LRRIQ3: variants seen among roughly 807,000 people sequenced by gnomAD.
LRRIQ3 encodes the protein leucine-rich repeat and IQ domain-containing protein 3.
LRRIQ3 carries 75 observed loss-of-function variants against 59.3 expected under a neutral mutation model. The ratio of observed to expected loss-of-function variants is 1.26; its 90% CI spans 1.05 to 1.53. The LOEUF is 1.53. Ranked by LOEUF, LRRIQ3 falls within the 40% of genes most tolerant of loss-of-function variation. LRRIQ3 has a pLI of 0.00. For synonymous variants in LRRIQ3, 250 were observed against 231.3 expected, an observed-to-expected ratio of 1.08 and a Z score of -0.73; for missense variants, 831 against 710.0, an observed-to-expected ratio of 1.17 and a Z score of -1.94.
intron 4 of LRRIQ3, among the ~76,000 whole-genome samples, chr1:74,152,414 A>T (rs544535030): frequency 6.6e-6 from 1 of 152,140 alleles, no homozygotes; most frequent in African/African-American, 2.4e-5. Context: ...CTAATCATTA[A>T]AAAAATCCTG....
intron 7 of LRRIQ3, among the ~76,000 whole-genome samples, chr1:74,038,435 A>G (rs1653941059): frequency 6.6e-6 from 1 of 152,200 alleles, no homozygotes; most frequent in African/African-American, 2.4e-5. Context: ...CCCCCCCAGC[A>G]AAACACACCT....
intron 6 of LRRIQ3, among the ~76,000 whole-genome samples, chr1:74,042,651 A>C (rs1241650727): frequency 6.6e-6 from 1 of 152,130 alleles, no homozygotes; most frequent in Non-Finnish European, 1.5e-5. Flanking sequence ...TCATATTTGC[A>C]AAGGGCATTG....
At chr1:74,162,785 A>C (rs947520226) in intron 3 of LRRIQ3, among the ~76,000 whole-genome samples, 3 of 151,676 alleles carry the variant, frequency 2.0e-5, no homozygotes, top group Admixed American at 1.3e-4. Flanking sequence ...ATTTTCCATA[A>C]GAATATTTGA....
chr1:74,136,973 T>G (rs1425884991), intron 4 of LRRIQ3, among the ~76,000 whole-genome samples: 1 of 151,980 alleles, frequency 6.6e-6, no homozygotes, highest in African/African-American at 2.4e-5. Flanking sequence ...TACTGCTGTT[T>G]GTTAAAAACA....
intron 5 of LRRIQ3, among the ~76,000 whole-genome samples, chr1:74,092,066 C>T (rs1646400356): frequency 6.6e-6 from 1 of 152,080 alleles, no homozygotes; most frequent in East Asian, 1.9e-4. Context: ...TTACTTAAAA[C>T]ACATCTGCAA....
intron 5 of LRRIQ3, chr1:74,084,062 G>A: frequency 1.1e-6 from 1 of 940,170 alleles, no homozygotes; most frequent in South Asian, 2.1e-5. Context: ...CACTTATCTT[G>A]TGTGTACAGC....
intron 4 of LRRIQ3, among the ~76,000 whole-genome samples, chr1:74,133,710 G>A (rs1177667416): frequency 6.7e-6 from 1 of 149,466 alleles, no homozygotes; most frequent in South Asian, 2.1e-4. Flanking sequence ...GGGGCCTGTC[G>A]TGGGGTGGGG....
intron 4 of LRRIQ3, among the ~76,000 whole-genome samples, chr1:74,130,219 GGCCTCCCCAGA>G (rs1159553028): frequency 6.6e-6 from 1 of 152,046 alleles, no homozygotes; most frequent in Non-Finnish European, 1.5e-5. Flanking sequence ...AGTTAATGTA[GGCCTCCCCAGA>G]GCACTTTAGC....
chr1:74,119,682 A>G (rs1483132078), intron 4 of LRRIQ3, among the ~76,000 whole-genome samples: 4 of 152,114 alleles, frequency 2.6e-5, no homozygotes. Flanking sequence ...TATTAAATAA[A>G]TCATCCTTTC....
chr1:74,139,084 ATGTG>A (rs1387333088), intron 4 of LRRIQ3, among the ~76,000 whole-genome samples: 1 of 138,958 alleles, frequency 7.2e-6, no homozygotes, highest in Middle Eastern at 3.5e-3. Context: ...ACATATATGT[ATGTG>A]TGTGTGTATA....
intron 4 of LRRIQ3, among the ~76,000 whole-genome samples, chr1:74,154,800 G>C (rs922021854): frequency 2.1e-4 from 32 of 152,144 alleles, no homozygotes; most frequent in African/African-American, 6.8e-4. Context: ...AATTTGACTT[G>C]TCTCCAATGT....
At chr1:74,195,251 G>A (rs577194986) in intron 1 of LRRIQ3, among the ~76,000 whole-genome samples, 11 of 152,280 alleles carry the variant, frequency 7.2e-5, no homozygotes, top group South Asian at 2.1e-4. Context: ...GGAAACAGTG[G>A]TTAAACAGAG....
At chr1:74,196,111 G>A (rs778516449) in intron 1 of LRRIQ3, among the ~76,000 whole-genome samples, 4 of 151,888 alleles carry the variant, frequency 2.6e-5, no homozygotes, top group Non-Finnish European at 5.9e-5. Flanking sequence ...TTGATTGCAT[G>A]ATATAGTCAT....
intron 6 of LRRIQ3, among the ~76,000 whole-genome samples, chr1:74,060,189 T>TTCC (rs1654667477): frequency 1.1e-4 from 3 of 26,582 alleles, no homozygotes; most frequent in Non-Finnish European, 9.9e-5. Flanking sequence ...CTTCTTCTTT[T>TTCC]TCTTCTTCTT....
At chr1:74,126,250 T>A (rs1646934670) in intron 4 of LRRIQ3, among the ~76,000 whole-genome samples, 1 of 151,812 alleles carries the variant, frequency 6.6e-6, no homozygotes, top group African/African-American at 2.4e-5. Flanking sequence ...TCTTTTTTTC[T>A]TGGATAATCT....
At chr1:74,152,455 G>A (rs113522016) in intron 4 of LRRIQ3, among the ~76,000 whole-genome samples, 9 of 152,114 alleles carry the variant, frequency 5.9e-5, no homozygotes, top group African/African-American at 2.2e-4. Flanking sequence ...TAAATACATT[G>A]TTGATAGTAG....
chr1:74,026,864 T>G lies in LRRIQ3; in HGVS notation c.1824A>C (p.Ala608=). Residue 608 remains alanine (A), a synonymous_variant, in exon 8 of 8, where the codon GCA becomes GCC. Coordinates refer to ENST00000354431, the MANE Select transcript of LRRIQ3 (RefSeq NM_001105659.2). ...ERLQDAKTKV[A]IVKTNLDFKV... ...TAAAGTCTAAATTTGTTTTCACAAT[T>G]GCTACTTTTGTTTTAGCATCTTGAA... The G allele has an allele frequency of 6.2e-7, 1 of 1,608,956 alleles. No individual in the cohort carries two copies.
chr1:74,055,854 T>C (rs189096214), intron 6 of LRRIQ3, among the ~76,000 whole-genome samples: 108 of 152,108 alleles, frequency 7.1e-4, no homozygotes, highest in African/African-American at 2.5e-3. Flanking sequence ...TTGATAAAAA[T>C]TGAATAAAGT....
intron 4 of LRRIQ3, among the ~76,000 whole-genome samples, chr1:74,117,075 A>G (rs1229233351): frequency 1.3e-5 from 2 of 152,170 alleles, no homozygotes; most frequent in African/African-American, 4.8e-5. Context: ...AATCATCACA[A>G]TCAGTAAAGG....
Sources: allele counts gnomAD v4.1 joint callset (sites outside exome capture counted in the v4.1 genomes callset), GRCh38; gene constraint gnomAD v4.1.1; transcripts MANE v1.5; gene names NCBI Gene and HGNC (gene_info 2026-07-23, HGNC 2026-07-21).